ARIH1: variants seen among roughly 807,000 people sequenced by gnomAD.
The protein encoded by ARIH1 is ariadne RBR E3 ubiquitin protein ligase 1.
A neutral mutation model predicts 85.0 loss-of-function variants in ARIH1; 8 were observed. The ratio of observed to expected loss-of-function variants is 0.09; its 90% CI spans 0.06 to 0.17. The LOEUF (loss-of-function observed/expected upper bound fraction) is 0.17. Among genes scored for constraint, ARIH1 ranks in the 10% least tolerant of loss-of-function variants. ARIH1 has a pLI of 1.00. For synonymous variants in ARIH1, 238 were observed against 253.6 expected (o/e 0.94, Z 0.59); for missense variants, 311 against 718.1 (o/e 0.43, Z 6.48).
chr15:72,522,403 A>G (rs2140413319), intron 2 of ARIH1, among the ~76,000 whole-genome samples: 1 of 152,110 alleles, frequency 6.6e-6, no homozygotes, highest in East Asian at 1.9e-4. Flanking sequence ...TATTCCAGCT[A>G]TGCAGGACGT....
intron 2 of ARIH1, among the ~76,000 whole-genome samples, chr15:72,523,606 C>T (rs893607786): frequency 6.6e-6 from 1 of 151,750 alleles, no homozygotes; most frequent in Non-Finnish European, 1.5e-5. Context: ...TGTCCTGACC[C>T]ATAGAGTGTA....
At chr15:72,521,082 C>T (rs2063997483) in intron 2 of ARIH1, among the ~76,000 whole-genome samples, 2 of 151,612 alleles carry the variant, frequency 1.3e-5, no homozygotes, top group South Asian at 4.2e-4. Context: ...TGGACCCAAG[C>T]AACCCTTTCA....
intron 2 of ARIH1, among the ~76,000 whole-genome samples, chr15:72,538,958 C>T (rs1412848457): frequency 6.6e-6 from 1 of 152,150 alleles, no homozygotes; most frequent in Non-Finnish European, 1.5e-5. Context: ...CCTTTCTTCA[C>T]TAAGGAAAGG....
intron 2 of ARIH1, among the ~76,000 whole-genome samples, chr15:72,532,731 T>C (rs1462127918): frequency 2.0e-5 from 3 of 152,104 alleles, no homozygotes; most frequent in Non-Finnish European, 2.9e-5. Flanking sequence ...GCAATACATA[T>C]ATAAAAAGGA....
At chr15:72,509,265 C>T (rs2063940076) in intron 1 of ARIH1, among the ~76,000 whole-genome samples, 1 of 152,128 alleles carries the variant, frequency 6.6e-6, no homozygotes, top group South Asian at 2.1e-4. Flanking sequence ...GGTGGGATTA[C>T]AGGTGTGAGC....
chr15:72,512,592 TTC>T (rs2063955411), intron 1 of ARIH1, among the ~76,000 whole-genome samples: 1 of 151,470 alleles, frequency 6.6e-6, no homozygotes. Context: ...CTTTGGGTTT[TTC>T]TTTTTCTTTT....
intron 2 of ARIH1, among the ~76,000 whole-genome samples, chr15:72,540,698 C>T (rs543977721): frequency 1.8e-4 from 28 of 152,180 alleles, no homozygotes; most frequent in African/African-American, 4.8e-4. Context: ...GTGGTGTGCA[C>T]GTATAGTCCC....
At chr15:72,531,860 T>C (rs1242820746) in intron 2 of ARIH1, among the ~76,000 whole-genome samples, 1 of 152,216 alleles carries the variant, frequency 6.6e-6, no homozygotes, top group Non-Finnish European at 1.5e-5. Flanking sequence ...TTGTATCTTT[T>C]TAAAGCCAAC....
intron 1 of ARIH1, chr15:72,496,666 G>A (rs2063881523): frequency 4.4e-6 from 1 of 226,622 alleles, no homozygotes. Context: ...ATGGAATATA[G>A]ATAGGGGTGT....
At chr15:72,569,822 G>A (rs2064235612) in intron 9 of ARIH1, among the ~76,000 whole-genome samples, 1 of 152,066 alleles carries the variant, frequency 6.6e-6, no homozygotes, top group Admixed American at 6.5e-5. Flanking sequence ...GAAATCCTAG[G>A]AAGGCTGAAG....
At chr15:72,553,267 A>G (rs1181065743) in intron 3 of ARIH1, among the ~76,000 whole-genome samples, 1 of 152,242 alleles carries the variant, frequency 6.6e-6, no homozygotes, top group Non-Finnish European at 1.5e-5. Flanking sequence ...AATATTATTT[A>G]AAGTATTTAC....
At chr15:72,566,894 T>C (rs1790941181) in intron 8 of ARIH1, among the ~76,000 whole-genome samples, 2 of 152,194 alleles carry the variant, frequency 1.3e-5, no homozygotes, top group Admixed American at 6.5e-5. Context: ...GGTTCCCCAC[T>C]CAGCTTCTGC....
intron 2 of ARIH1, among the ~76,000 whole-genome samples, chr15:72,520,233 A>G (rs1261682822): frequency 6.6e-6 from 1 of 152,184 alleles, no homozygotes; most frequent in Non-Finnish European, 1.5e-5. Context: ...GCTATTGGAT[A>G]CCTAAAAGAT....
At chr15:72,537,542 T>C (rs1169132155) in intron 2 of ARIH1, among the ~76,000 whole-genome samples, 2 of 152,234 alleles carry the variant, frequency 1.3e-5, no homozygotes, top group Admixed American at 1.3e-4. Flanking sequence ...GTCATCTTCA[T>C]ACCTCATGTT....
rs563477067 is a variant in ARIH1 at position 72,496,692 on chromosome 15, CCCA to C, written c.376-21372_376-21370del. 601 of 509,208 alleles carry C rather than the reference CCCA, an allele frequency of 1.2e-3. 3 individuals are homozygous for C. Among genetic ancestry groups the C allele is most frequent in the Non-Finnish European group, 1.3e-3 (525 of 395,062 alleles). The allele number at this position is 509,208 out of a possible 1,614,324, so 31.5% of individuals were successfully genotyped here. A position where few individuals can be genotyped will look rare whatever the true frequency, so the allele number is the denominator to read the frequency against. ...ATAGGGGTGTTTTCTTCTGGTTTTC[CCCA>C]CCCCTTTATATATACCTTGATTTTA... On this transcript the variant is annotated intron_variant, in intron 1 of 13. Coordinates refer to ENST00000379887, the MANE Select transcript of ARIH1 (RefSeq NM_005744.5).
chr15:72,571,054 G>T (rs1239394904), intron 10 of ARIH1, among the ~76,000 whole-genome samples: 1 of 142,956 alleles, frequency 7.0e-6, no homozygotes, highest in Admixed American at 7.7e-5. Flanking sequence ...ACTTGAACTC[G>T]GGAGGTGGAG....
At chr15:72,550,243 A>C (rs1341200299) in intron 3 of ARIH1, among the ~76,000 whole-genome samples, 1 of 152,222 alleles carries the variant, frequency 6.6e-6, no homozygotes, top group African/African-American at 2.4e-5. Context: ...AGGTTGAGAG[A>C]GGTGCATCTC....
intron 1 of ARIH1, among the ~76,000 whole-genome samples, chr15:72,476,763 G>A (rs1389543378): frequency 1.3e-5 from 2 of 152,156 alleles, no homozygotes; most frequent in East Asian, 3.8e-4. Flanking sequence ...GCGAACTGTA[G>A]TTATTTTTCT....
Position 72,584,340 on chromosome 15 carries a change from G to T in ARIH1, c.*1048G>T, listed in dbSNP as rs1171260979. ...TCCATGGCATCATGCCTCTACCCAA[G>T]CCTTTGTGTGCCCATGTTATGCACA... On this transcript the variant is annotated 3_prime_UTR_variant, in exon 14 of 14. Coordinates refer to ENST00000379887, the MANE Select transcript of ARIH1 (RefSeq NM_005744.5). The T allele has an allele frequency of 2.0e-5, 3 of 152,162 alleles. No homozygotes were observed. The highest frequency in any genetic ancestry group is 4.4e-5 in the Non-Finnish European group (3 of 68,028). 9.4% of individuals were successfully genotyped at this position (152,162 alleles called of 1,614,324 possible).
Sources: allele counts gnomAD v4.1 joint callset (sites outside exome capture counted in the v4.1 genomes callset), GRCh38; gene constraint gnomAD v4.1.1; transcripts MANE v1.5; gene names NCBI Gene and HGNC (gene_info 2026-07-23, HGNC 2026-07-21).